TYW1: variants seen among roughly 807,000 people sequenced by gnomAD.
The protein encoded by TYW1 is tRNA-yW synthesizing protein 1 homolog.
TYW1 carries 46 observed loss-of-function variants against 96.2 expected under a neutral mutation model. That is an observed-to-expected ratio of 0.48 (90% confidence interval 0.38 to 0.61). The LOEUF (loss-of-function observed/expected upper bound fraction) is 0.61. Ranked by LOEUF, TYW1 falls within the 20% of genes least tolerant of loss-of-function variation. TYW1 has a pLI of 0.00. For missense variants in TYW1, 684 were observed against 909.6 expected, an observed-to-expected ratio of 0.75 and a Z score of 3.19; for synonymous variants, 274 against 323.0, an observed-to-expected ratio of 0.85 and a Z score of 1.63.
Position 67,237,032 on chromosome 7 carries a change from C to T in TYW1, c.1978-1276C>T, listed in dbSNP as rs1179636003. Among the ~76,000 whole-genome samples the T allele has an allele frequency of 2.6e-5, 4 of 152,204 alleles. No homozygotes were observed. The South Asian group carries it at 6.2e-4, about 24-fold the overall frequency. ...TCCCGAGTAGCTGGGATTACATGCA[C>T]ACACCACCACGCCTGGCTAATTTTT... is the stretch of plus-strand genomic sequence containing the variant. On this transcript the variant is annotated intron_variant, in intron 15 of 15. Coordinates refer to ENST00000359626, the MANE Select transcript of TYW1 (RefSeq NM_018264.4).
intron 8 of TYW1, among the ~76,000 whole-genome samples, chr7:67,055,521 C>A (rs113161892): frequency 3.3e-4 from 50 of 151,686 alleles, no homozygotes; most frequent in African/African-American, 1.2e-3. Context: ...ATCTATTAAA[C>A]CCAGGAGGCA....
At chr7:67,125,135 T>C (rs1249268407) in intron 13 of TYW1, among the ~76,000 whole-genome samples, 1 of 152,190 alleles carries the variant, frequency 6.6e-6, no homozygotes, top group Non-Finnish European at 1.5e-5. Context: ...GCCTGGCCTG[T>C]CTTTGCCAGT....
intron 7 of TYW1, among the ~76,000 whole-genome samples, chr7:67,039,172 G>A (rs575424604): frequency 1.3e-5 from 2 of 152,018 alleles, no homozygotes; most frequent in African/African-American, 2.4e-5. Context: ...AGAATGACAA[G>A]TAGGCCGGGT....
intron 14 of TYW1, among the ~76,000 whole-genome samples, chr7:67,190,845 A>G (rs758845172): frequency 6.6e-6 from 1 of 152,190 alleles, no homozygotes; most frequent in African/African-American, 2.4e-5. Flanking sequence ...CAGTATTAGG[A>G]GTCTTTTGAC....
intron 13 of TYW1, among the ~76,000 whole-genome samples, chr7:67,147,807 A>G (rs1392659481): frequency 2.6e-5 from 4 of 152,070 alleles, no homozygotes; most frequent in African/African-American, 7.2e-5. Flanking sequence ...CAAAGGGGAG[A>G]ATAGGGATTG....
At chr7:67,177,992 G>GAA (rs779084687) in intron 13 of TYW1, among the ~76,000 whole-genome samples, 11 of 104,586 alleles carry the variant, frequency 1.1e-4, no homozygotes, top group South Asian at 3.3e-4. Context: ...TGTCTCTACA[G>GAA]AAAAAAAAAA....
chr7:67,010,544 C>T (rs1793759482), intron 4 of TYW1, among the ~76,000 whole-genome samples: 1 of 151,114 alleles, frequency 6.6e-6, no homozygotes, highest in East Asian at 2.0e-4. Context: ...GGCGCGATCT[C>T]AGCTCACTGC....
At chr7:67,062,905 T>C (rs1795742274) in intron 9 of TYW1, among the ~76,000 whole-genome samples, 1 of 152,218 alleles carries the variant, frequency 6.6e-6, no homozygotes, top group South Asian at 2.1e-4. Context: ...ACTTAATATC[T>C]TCCCCAAAAT....
intron 14 of TYW1, among the ~76,000 whole-genome samples, chr7:67,185,259 AAGGGCGTGAAGCTGGGGAGAGATGC>A (rs1799984699): frequency 6.6e-6 from 1 of 151,870 alleles, no homozygotes; most frequent in Non-Finnish European, 1.5e-5. Context: ...TGCACTAGGA[AAGGGCGTGAAGCTGGGGAGAGATGC>A]AGTCTGATTT....
At chr7:67,235,997 C>G (rs941299619) in intron 15 of TYW1, among the ~76,000 whole-genome samples, 2 of 152,000 alleles carry the variant, frequency 1.3e-5, no homozygotes, top group East Asian at 1.9e-4. Flanking sequence ...ACAGAGCCAG[C>G]AGGCTTGGTG....
chr7:66,998,710 A>G, intron 2 of TYW1, 107 bp from the exon 3 acceptor site: 2 of 1,302,640 alleles, frequency 1.5e-6, no homozygotes, highest in South Asian at 1.4e-5. Flanking sequence ...AGTGTGTCAG[A>G]TTAAGAGAAA....
intron 14 of TYW1, among the ~76,000 whole-genome samples, chr7:67,186,864 C>T (rs148425273): frequency 2.1e-4 from 32 of 152,174 alleles, no homozygotes; most frequent in Non-Finnish European, 4.4e-4. Context: ...TTGCATTCAA[C>T]AATATTTGTG....
chr7:67,029,416 T>TATACACATATATATATATAC (rs1794591001), intron 7 of TYW1, among the ~76,000 whole-genome samples: 11 of 97,610 alleles, frequency 1.1e-4, no homozygotes, highest in East Asian at 8.4e-4. Flanking sequence ...TGTGTGTGTG[T>TATACACATATATATATATAC]ATATATATAT....
intron 13 of TYW1, among the ~76,000 whole-genome samples, chr7:67,182,100 A>C (rs1162636020): frequency 6.6e-6 from 1 of 152,326 alleles, no homozygotes; most frequent in East Asian, 1.9e-4. Flanking sequence ...AAGTGCTGGG[A>C]TTACAGGCAT....
At chr7:67,007,769 G>A (rs1199204999) in intron 3 of TYW1, among the ~76,000 whole-genome samples, 2 of 151,912 alleles carry the variant, frequency 1.3e-5, no homozygotes, top group African/African-American at 4.8e-5. Flanking sequence ...CAAGTAGCTG[G>A]GATTACAGGT....
chr7:67,010,537 G>A (rs1237139774), intron 4 of TYW1, among the ~76,000 whole-genome samples: 1 of 150,390 alleles, frequency 6.6e-6, no homozygotes, highest in Non-Finnish European at 1.5e-5. Flanking sequence ...GTGTAGTGGC[G>A]CGATCTCAGC....
rs1193317781 is a variant in TYW1 at position 67,017,924 on chromosome 7, C to G, written c.642C>G (p.Asp214Glu). The G allele has an allele frequency of 3.7e-6, 6 of 1,614,036 alleles. No homozygotes were observed. The Admixed American group carries it at 8.3e-5, about 22-fold the overall frequency. ...GTGTGATGAGTCGAGGGGAGGGCGACTGCGACGTGGTTAAAAGCAAGCACG... is the reference window on the plus strand; with the variant it reads ...GTGTGATGAGTCGAGGGGAGGGCGAGTGCGACGTGGTTAAAAGCAAGCACG... ...AHRVMSRGEGDCDVVKSKHGS... is the reference protein window; with the variant it reads ...AHRVMSRGEGECDVVKSKHGS... Residue 214 changes from aspartate (D) to glutamate (E), a missense_variant, in exon 6 of 16, where the codon GAC becomes GAG. Coordinates refer to ENST00000359626, the MANE Select transcript of TYW1 (RefSeq NM_018264.4).
intron 4 of TYW1, among the ~76,000 whole-genome samples, chr7:67,013,115 C>CTTTTTTTTTTTTTTTTTTTT (rs1257196865): frequency 6.8e-6 from 1 of 147,226 alleles, no homozygotes. Context: ...TTTTTCTTTT[C>CTTTTTTTTTTTTTTTTTTTT]TTTTCTTTTT....
At chr7:67,132,540 T>C (rs116605709) in intron 13 of TYW1, among the ~76,000 whole-genome samples, 5,124 of 152,300 alleles carry the variant, frequency 0.034, 255 homozygotes, top group African/African-American at 0.12. Context: ...GATTTAATTT[T>C]TGACCATTTT....
Sources: gnomAD v4.1 joint callset for allele counts (sites outside exome capture counted in the v4.1 genomes callset) on GRCh38, gnomAD v4.1.1 for gene constraint, MANE v1.5 for transcripts, NCBI Gene and HGNC (gene_info 2026-07-23, HGNC 2026-07-21) for gene names.